Variants in IQCE observed in about 807,000 individuals in gnomAD.
IQCE encodes IQ motif containing E.
IQCE carries 115 observed loss-of-function variants against 96.0 expected under a neutral mutation model. The ratio of observed to expected loss-of-function variants is 1.20; its 90% CI spans 1.03 to 1.40. The LOEUF (loss-of-function observed/expected upper bound fraction) is 1.40. Ranked by LOEUF, IQCE falls within the 40% of genes most tolerant of loss-of-function variation. IQCE has a pLI of 0.00. For missense variants in IQCE, 1,041 were observed against 909.1 expected (o/e 1.15, Z -1.87); for synonymous variants, 412 against 371.2 (o/e 1.11, Z -1.26).
chr7:2,601,530 A>G, intron 18 of IQCE, 66 bp downstream of exon 18: 2 of 1,085,540 alleles, frequency 1.8e-6, no homozygotes, highest in South Asian at 1.3e-5. Flanking sequence ...AGGTGAGGGG[A>G]TATTTAAAGA....
At chr7:2,572,773 G>C (rs1368465264) in intron 5 of IQCE, 1 of 455,106 alleles carries the variant, frequency 2.2e-6, no homozygotes, top group African/African-American at 2.0e-5. Flanking sequence ...CAAATTCCTG[G>C]ACTCAAGTGA....
In IQCE at chr7:2,604,971, G is replaced by A. The variant is rs754407471; in HGVS notation, c.1723G>A (p.Val575Met). 4.0e-5 allele frequency: 65 copies of A among 1,613,140 alleles called. No individual in the cohort carries two copies. The East Asian group carries it at 1.1e-3, about 28-fold the overall frequency. Residue 575 changes from valine to methionine, a missense_variant, in exon 19 of 22, where the codon GTG (valine) becomes ATG (methionine). Transcript: ENST00000402050. ...SKAHGSEPPS[V>M]PGLPDQSSPV... ...AGCACATGGCTCAGAGCCACCCAGC[G>A]TGCCAGGCCTCCCAGACCAGGTAAT...
At chr7:2,593,274 C>T in intron 15 of IQCE, 148 bp downstream of exon 15, 1 of 1,325,056 alleles carries the variant, frequency 7.5e-7, no homozygotes, top group Non-Finnish European at 1.0e-6. Context: ...TTTTCTGTCA[C>T]CCAGCCCGGG....
chr7:2,605,120 G>A (rs1784705862), intron 19 of IQCE, 129 bp downstream of exon 19: 3 of 659,906 alleles, frequency 4.5e-6, no homozygotes, highest in East Asian at 5.5e-5. Flanking sequence ...CGTCCCCTGC[G>A]CTCCATCCCT....
chr7:2,603,201 T>A (rs1340929619), intron 18 of IQCE, among the ~76,000 whole-genome samples: 5 of 152,052 alleles, frequency 3.3e-5, no homozygotes, highest in Non-Finnish European at 7.4e-5. Context: ...CTCCCACCTG[T>A]CCACCCACCA....
intron 15 of IQCE, among the ~76,000 whole-genome samples, chr7:2,594,185 G>A (rs565848064): frequency 2.6e-5 from 4 of 152,168 alleles, no homozygotes; most frequent in African/African-American, 4.8e-5. Context: ...GCTTGAACCC[G>A]GGCAGCAGAG....
rs568818423 is a variant in IQCE at position 2,559,022 on chromosome 7, C to T, written c.-160C>T. On this transcript the variant is annotated 5_prime_UTR_variant, in exon 1 of 22. Coordinates refer to ENST00000402050, the MANE Select transcript of IQCE (RefSeq NM_152558.5). Reference sequence around the variant, plus strand: ...CCCAGGGGGAACGCAGGTCGCTTACCCGGCTGGGTAGGTCGGCGGCCTGGT... The same window carrying T: ...CCCAGGGGGAACGCAGGTCGCTTACTCGGCTGGGTAGGTCGGCGGCCTGGT... The T allele has an allele frequency of 3.2e-5, 12 of 370,256 alleles. No individual in the cohort carries two copies. The highest frequency in any genetic ancestry group is 1.4e-4 in the South Asian group (1 of 7,150). 22.9% of individuals were successfully genotyped at this position (370,256 alleles called of 1,614,324 possible).
chr7:2,599,578 C>G (rs914137979), intron 17 of IQCE, among the ~76,000 whole-genome samples: 1 of 151,928 alleles, frequency 6.6e-6, no homozygotes, highest in Non-Finnish European at 1.5e-5. Flanking sequence ...CTCACTGCAG[C>G]CTCGACCTCC....
At chr7:2,598,301 CAT>C in intron 16 of IQCE, 162 bp from the exon 17 acceptor site, 2 of 612,376 alleles carry the variant, frequency 3.3e-6, no homozygotes, top group Non-Finnish European at 5.5e-6. Context: ...AGACCGCTGT[CAT>C]GTGGTCTGCA....
chr7:2,564,701 A>G (rs983697879), intron 1 of IQCE, among the ~76,000 whole-genome samples: 1 of 152,060 alleles, frequency 6.6e-6, no homozygotes, highest in Admixed American at 6.6e-5. Flanking sequence ...CTTTTAATTC[A>G]TTGAGGCTTT....
At chr7:2,600,727 A>G (rs944217977) in intron 17 of IQCE, among the ~76,000 whole-genome samples, 2 of 152,206 alleles carry the variant, frequency 1.3e-5, no homozygotes, top group Non-Finnish European at 2.9e-5. Context: ...TCCTGTGTAC[A>G]GTAGTACAAA....
intron 6 of IQCE, 69 bp downstream of exon 6, chr7:2,573,557 T>A: frequency 1.1e-6 from 1 of 870,346 alleles, no homozygotes; most frequent in Non-Finnish European, 1.9e-6. Context: ...TATTAGAACA[T>A]CAGTGCCTGT....
chr7:2,565,141 TG>T (rs1781274390), intron 1 of IQCE, among the ~76,000 whole-genome samples: 1 of 150,368 alleles, frequency 6.7e-6, no homozygotes, highest in Non-Finnish European at 1.5e-5. Context: ...TGAGTGTGTG[TG>T]TGTGTGTGTG....
At chr7:2,571,862 G>A (rs1317102469) in intron 4 of IQCE, among the ~76,000 whole-genome samples, 3 of 152,182 alleles carry the variant, frequency 2.0e-5, no homozygotes, top group East Asian at 1.9e-4. Flanking sequence ...CCTTGGTCCC[G>A]TGTGGTCTCT....
At position 2,598,602 on chromosome 7, in the gene IQCE, G is replaced by T. The variant is rs1259864755; in HGVS notation, c.1578G>T (p.Leu526=). 2 of 1,590,208 alleles carry T rather than the reference G, an allele frequency of 1.3e-6. No individual in the cohort carries two copies. The highest frequency in any genetic ancestry group is 1.7e-6 in the Non-Finnish European group (2 of 1,168,706). ...GAAGAGACGCCGCGGCCAGAGTCCTGCAGGCCCAGTGGAAGGTGTACAAGC... is the reference window on the plus strand; with the variant it reads ...GAAGAGACGCCGCGGCCAGAGTCCTTCAGGCCCAGTGGAAGGTGTACAAGC... ...DGRRDAAARV[L]QAQWKVYKHK... The change falls in exon 17 of 22, where the codon CTG becomes CTT. Residue 526 remains leucine (L), a synonymous_variant. Transcript: ENST00000402050.
rs1458803918 is a variant in IQCE at position 2,578,322 on chromosome 7, C to T, written c.546C>T (p.Asp182=). 2 of 1,613,978 alleles carry T rather than the reference C, an allele frequency of 1.2e-6. No individual in the cohort carries two copies. Among genetic ancestry groups the T allele is most frequent in the Non-Finnish European group, 1.7e-6 (2 of 1,179,918 alleles). The change falls in exon 7 of 22, where the codon GAC becomes GAT. Residue 182 remains aspartate, a synonymous_variant. Coordinates refer to ENST00000402050, the MANE Select transcript of IQCE (RefSeq NM_152558.5). ...TGGAGGAGGAAAACAGCAGGAAGGA[C>T]CGGCAGATAGAGCAGCTCCTGGATC... The part of the protein sequence containing the change: ...RRLEEENSRK[D]RQIEQLLDPS...
At chr7:2,603,372 G>A (rs1296139635) in intron 18 of IQCE, among the ~76,000 whole-genome samples, 1 of 152,230 alleles carries the variant, frequency 6.6e-6, no homozygotes, top group Admixed American at 6.5e-5. Context: ...CGCCTGGCAT[G>A]TGGGAGGCAT....
rs925768682 is a variant in IQCE, at chr7:2,598,549, C to T, written c.1525C>T (p.Arg509Trp). 13 of 1,610,562 alleles carry T rather than the reference C, an allele frequency of 8.1e-6. No homozygotes were observed. Among genetic ancestry groups the T allele is most frequent in the Middle Eastern group, 3.3e-4 (2 of 6,068 alleles). Residue 509 changes from arginine to tryptophan, a missense_variant, in exon 17 of 22, where the codon CGG becomes TGG. Coordinates refer to ENST00000402050, the MANE Select transcript of IQCE (RefSeq NM_152558.5). ...GGATTCCAGCGAGGAGGGGCTCCCG[C>T]GGCCCCGCTCCCCCTGCTCTGATGG... ...PPDSSEEGLP[R>W]PRSPCSDGRR...
chr7:2,586,272 T>C lies in IQCE; in HGVS notation c.889T>C (p.Leu297=), dbSNP rs1562650984. The C allele has an allele frequency of 6.2e-7, 1 of 1,614,014 alleles. No individual in the cohort carries two copies. ...GAAGATGGGCAGTGCCCTCCTGAGCTTGTCCCGGAGTGTCCAGGAGCTCAC... is the reference window on the plus strand; with the variant it reads ...GAAGATGGGCAGTGCCCTCCTGAGCCTGTCCCGGAGTGTCCAGGAGCTCAC... ...QKKMGSALLS[L]SRSVQELTEE... The change falls in exon 12 of 22, where the codon TTG becomes CTG. Residue 297 remains leucine (L), a synonymous_variant. Transcript: ENST00000402050.
Sources: allele counts gnomAD v4.1 joint callset (sites outside exome capture counted in the v4.1 genomes callset), GRCh38; gene constraint gnomAD v4.1.1; transcripts MANE v1.5; gene names NCBI Gene and HGNC (gene_info 2026-07-23, HGNC 2026-07-21).